Variants in SORCS1 observed in about 807,000 individuals in gnomAD.
SORCS1 encodes the protein VPS10 domain-containing receptor SorCS1.
SORCS1 carries 60 observed loss-of-function variants against 146.1 expected under a neutral mutation model. The observed-to-expected ratio is 0.41, with a 90% CI of 0.33 to 0.51. The LOEUF (loss-of-function observed/expected upper bound fraction) is 0.51. Ranked by LOEUF, SORCS1 falls within the 20% of genes least tolerant of loss-of-function variation. The pLI, the probability that SORCS1 is intolerant of heterozygous loss-of-function variation, is 0.21. For synonymous variants in SORCS1, 637 were observed against 584.0 expected, an observed-to-expected ratio of 1.09 and a Z score of -1.31; for missense variants, 1,352 against 1,487.6, an observed-to-expected ratio of 0.91 and a Z score of 1.50.
At chr10:106,914,121 C>G (rs578186044) in intron 2 of SORCS1, among the ~76,000 whole-genome samples, 3 of 152,226 alleles carry the variant, frequency 2.0e-5, no homozygotes, top group Non-Finnish European at 4.4e-5. Flanking sequence ...TATTAAAACA[C>G]TTTTGACATT....
chr10:107,124,540 G>A (rs1966593632), intron 1 of SORCS1, among the ~76,000 whole-genome samples: 2 of 151,796 alleles, frequency 1.3e-5, no homozygotes, highest in South Asian at 4.1e-4. Flanking sequence ...AACTGAAAAG[G>A]AAGGTAAACG....
intron 2 of SORCS1, among the ~76,000 whole-genome samples, chr10:106,949,213 G>T (rs1386136796): frequency 1.3e-5 from 2 of 152,152 alleles, no homozygotes; most frequent in Non-Finnish European, 2.9e-5. Context: ...TTGCCTGGAA[G>T]TTATCACACT....
intron 2 of SORCS1, among the ~76,000 whole-genome samples, chr10:106,838,938 C>A (rs1288026687): frequency 6.6e-6 from 1 of 152,148 alleles, no homozygotes; most frequent in Non-Finnish European, 1.5e-5. Context: ...CTGAACCATG[C>A]CCATGTAAGA....
chr10:107,166,207 T>A (rs558836440), upstream of SORCS1, among the ~76,000 whole-genome samples: 40 of 152,258 alleles, frequency 2.6e-4, no homozygotes, highest in Non-Finnish European at 2.9e-4. Flanking sequence ...TTCATTTTCA[T>A]ACTAGAATAA....
intron 1 of SORCS1, among the ~76,000 whole-genome samples, chr10:107,027,492 T>C (rs1013797767): frequency 2.6e-5 from 4 of 152,148 alleles, no homozygotes; most frequent in South Asian, 2.1e-4. Context: ...CGTGACATTA[T>C]CACCAGCTAA....
At chr10:106,636,576 T>C (rs1848736870) in intron 18 of SORCS1, among the ~76,000 whole-genome samples, 1 of 152,120 alleles carries the variant, frequency 6.6e-6, no homozygotes, top group Admixed American at 6.6e-5. Flanking sequence ...AACTGTCAAA[T>C]ACTTATAAGA....
chr10:106,796,627 G>C (rs573559231), intron 3 of SORCS1, among the ~76,000 whole-genome samples: 1 of 152,166 alleles, frequency 6.6e-6, no homozygotes, highest in African/African-American at 2.4e-5. Flanking sequence ...GAAAGAGTGA[G>C]AGAGACAAAG....
intron 1 of SORCS1, among the ~76,000 whole-genome samples, chr10:107,038,933 G>A (rs1373792028): frequency 6.6e-6 from 1 of 152,088 alleles, no homozygotes; most frequent in Admixed American, 6.6e-5. Context: ...GCAAAATAAA[G>A]AGGAGTCATT....
intron 24 of SORCS1, among the ~76,000 whole-genome samples, chr10:106,595,423 G>A (rs1377795395): frequency 6.6e-6 from 1 of 152,068 alleles, no homozygotes; most frequent in Non-Finnish European, 1.5e-5. Context: ...TCACACTTCT[G>A]TTCAAAGGTC....
At chr10:106,962,268 G>A (rs1344061114) in intron 1 of SORCS1, among the ~76,000 whole-genome samples, 1 of 151,806 alleles carries the variant, frequency 6.6e-6, no homozygotes, top group African/African-American at 2.4e-5. Flanking sequence ...GCATGGTGGT[G>A]CATGCCTTCA....
intron 19 of SORCS1, among the ~76,000 whole-genome samples, chr10:106,624,372 T>A (rs1441884235): frequency 1.5e-5 from 1 of 64,766 alleles, no homozygotes; most frequent in Non-Finnish European, 3.2e-5. Flanking sequence ...TTTTTTTTTT[T>A]TTTTTTGAGA....
At chr10:106,704,334 G>A (rs1854350826) in intron 8 of SORCS1, among the ~76,000 whole-genome samples, 1 of 152,154 alleles carries the variant, frequency 6.6e-6, no homozygotes, top group African/African-American at 2.4e-5. Context: ...CAGGAGACTT[G>A]AGTTCTAGCC....
chr10:106,905,106 C>A (rs762989605), intron 2 of SORCS1, among the ~76,000 whole-genome samples: 3 of 151,890 alleles, frequency 2.0e-5, no homozygotes, highest in Non-Finnish European at 4.4e-5. Flanking sequence ...AACCACAATT[C>A]TAAAATAGCA....
intron 1 of SORCS1, among the ~76,000 whole-genome samples, chr10:107,017,479 A>C (rs1308679462): frequency 6.6e-6 from 1 of 152,222 alleles, no homozygotes; most frequent in Non-Finnish European, 1.5e-5. Context: ...AGTTGAAGTC[A>C]GGAGTATAGT....
chr10:106,985,750 T>C (rs1956442567), intron 1 of SORCS1, among the ~76,000 whole-genome samples: 1 of 152,094 alleles, frequency 6.6e-6, no homozygotes, highest in Admixed American at 6.5e-5. Context: ...TTGGCCAGGA[T>C]GGTCTCCATC....
chr10:106,740,387 GAATA>G (rs776004771), intron 5 of SORCS1, among the ~76,000 whole-genome samples: 32 of 152,072 alleles, frequency 2.1e-4, no homozygotes, highest in African/African-American at 6.3e-4. Flanking sequence ...ATTTTTTAAT[GAATA>G]AATAAATAAA....
intron 3 of SORCS1, among the ~76,000 whole-genome samples, chr10:106,804,032 G>A (rs1299546306): frequency 1.3e-5 from 2 of 152,130 alleles, no homozygotes; most frequent in Admixed American, 1.3e-4. Context: ...GAAAAAGAAA[G>A]GAATTTCCAA....
the SORCS1 span, among the ~76,000 whole-genome samples, chr10:107,179,987 C>A: frequency 5.9e-5 from 8 of 135,248 alleles, no homozygotes; most frequent in African/African-American, 1.1e-4. Flanking sequence ...TGTGATCACA[C>A]CTCACTGAAG....
intron 1 of SORCS1, among the ~76,000 whole-genome samples, chr10:106,971,544 C>T (rs374869188): frequency 1.3e-5 from 2 of 152,232 alleles, no homozygotes; most frequent in East Asian, 3.8e-4. Flanking sequence ...ATTCCAAATA[C>T]TTTGAATTTC....
Sources: allele counts gnomAD v4.1 joint callset (sites outside exome capture counted in the v4.1 genomes callset), GRCh38; gene constraint gnomAD v4.1.1; transcripts MANE v1.5; gene names NCBI Gene and HGNC (gene_info 2026-07-23, HGNC 2026-07-21).